NWD1: variants seen among roughly 807,000 people sequenced by gnomAD.
NWD1 encodes NACHT domain- and WD repeat-containing protein 1.
Under a neutral mutation model 135.1 loss-of-function variants are expected in NWD1, and 129 were observed. The ratio of observed to expected loss-of-function variants is 0.96; its 90% CI spans 0.83 to 1.11. The LOEUF (loss-of-function observed/expected upper bound fraction) is 1.11. Ranked by LOEUF, NWD1 falls within the 50% of genes least tolerant of loss-of-function variation. The probability of loss-of-function intolerance (pLI) is 0.00; values close to 1 mark genes in which losing one functional copy is unlikely to be tolerated. For missense variants in NWD1, 1,740 were observed against 1,851.3 expected, an observed-to-expected ratio of 0.94 and a Z score of 1.10; for synonymous variants, 773 against 786.0, an observed-to-expected ratio of 0.98 and a Z score of 0.28.
chr19:16,750,736 A>G lies in NWD1; in HGVS notation c.1769+325A>G, dbSNP rs570037005. Among the ~76,000 whole-genome samples, 19 of 152,204 alleles carry G rather than the reference A, an allele frequency of 1.2e-4. No homozygotes were observed. The South Asian group carries it at 3.1e-3, about 25-fold the overall frequency. On this transcript the variant is annotated intron_variant, in intron 6 of 18. Transcript: ENST00000524140. The stretch of plus-strand genomic sequence containing the variant: ...CTGCAGTCTCCAACTCCCAGGCTCA[A>G]GTGATCCTCCCATCTCAGCCTGCCG...
At chr19:16,805,212 C>T (rs940253066) in intron 17 of NWD1, among the ~76,000 whole-genome samples, 7 of 152,042 alleles carry the variant, frequency 4.6e-5, no homozygotes, top group African/African-American at 1.4e-4. Context: ...GTGTGCAGCA[C>T]AATGCCTGGC....
intron 16 of NWD1, among the ~76,000 whole-genome samples, 186 bp from the exon 17 acceptor site, chr19:16,799,700 G>A (rs1432809040): frequency 6.6e-6 from 1 of 151,780 alleles, no homozygotes; most frequent in Admixed American, 6.6e-5. Context: ...TAGAGATGGG[G>A]TTTCTCCATG....
rs60291508 is a variant in NWD1 at position 16,755,687 on chromosome 19, C to CTTAT, written c.1770-3510_1770-3507dup. 6.4e-3 allele frequency among the ~76,000 whole-genome samples: 949 copies of CTTAT among 148,110 alleles called. 8 individuals carry two copies. Among genetic ancestry groups the CTTAT allele is most frequent in the Middle Eastern group, 0.021 (6 of 290 alleles). The stretch of plus-strand genomic sequence containing the variant: ...ACAGGAATGAGCCACCACATCCAGC[C>CTTAT]TTATTTATTTATTTATTTATTTATT... On this transcript the variant is annotated intron_variant, in intron 6 of 18. Coordinates refer to ENST00000524140, the MANE Select transcript of NWD1 (RefSeq NM_001007525.5).
intron 4 of NWD1, among the ~76,000 whole-genome samples, chr19:16,741,200 C>T (rs765517104): frequency 6.6e-5 from 10 of 152,190 alleles, no homozygotes; most frequent in African/African-American, 9.6e-5. Flanking sequence ...TATCCCCCTT[C>T]GCTGTCCCTC....
chr19:16,809,024 C>G (rs1025188193), intron 18 of NWD1, among the ~76,000 whole-genome samples: 15 of 152,218 alleles, frequency 9.9e-5, no homozygotes, highest in African/African-American at 3.1e-4. Context: ...CCACTGCTCT[C>G]TAGCCTGGGT....
rs184268008 is a variant in NWD1 at position 16,800,178 on chromosome 19, G to A, written c.3736+16G>A. The A allele has an allele frequency of 3.2e-4, 500 of 1,586,280 alleles. 3 individuals carry two copies. In the African/African-American group the frequency reaches 5.9e-3, roughly 19 times the overall value. ...TTGGCAGAAGGTTGGTAAGGTATAA[G>A]TATGGTCATTTTTGTGGGTAAGGCT... On this transcript the variant is annotated intron_variant, in intron 17 of 18. Coordinates refer to ENST00000524140, the MANE Select transcript of NWD1 (RefSeq NM_001007525.5).
At chr19:16,761,746 T>G (rs528985213) in intron 7 of NWD1, among the ~76,000 whole-genome samples, 5 of 152,282 alleles carry the variant, frequency 3.3e-5, no homozygotes, top group African/African-American at 1.2e-4. Context: ...GTGTAAATTT[T>G]GGAGGAGCTC....
At chr19:16,759,175 A>G (rs2122868994) in intron 6 of NWD1, 50 bp from the exon 7 acceptor site, 5 of 1,488,506 alleles carry the variant, frequency 3.4e-6, no homozygotes, top group Non-Finnish European at 4.7e-6. Context: ...CATCCTCCAA[A>G]TGCAGAAGAC....
intron 14 of NWD1, among the ~76,000 whole-genome samples, chr19:16,793,847 G>A (rs548749046): frequency 3.2e-4 from 49 of 152,030 alleles, no homozygotes; most frequent in African/African-American, 1.1e-3. Flanking sequence ...AAAGTGCTGG[G>A]ATTACAAGCA....
At chr19:16,746,700 A>AAAC (rs1437019314) in intron 5 of NWD1, among the ~76,000 whole-genome samples, 1 of 152,088 alleles carries the variant, frequency 6.6e-6, no homozygotes. Context: ...CAACAAAAAA[A>AAAC]AACAGTCGAT....
At chr19:16,735,864 A>G (rs147119646) in intron 3 of NWD1, among the ~76,000 whole-genome samples, 76 of 25,280 alleles carry the variant, frequency 3.0e-3, no homozygotes, top group Middle Eastern at 0.038. Context: ...GAAGGAAGGA[A>G]GGAGGAAGGA....
chr19:16,807,123 G>T (rs1970768723), intron 17 of NWD1, among the ~76,000 whole-genome samples: 2 of 151,468 alleles, frequency 1.3e-5, no homozygotes, highest in South Asian at 4.2e-4. Context: ...AAAAGTTGGA[G>T]GCTGCAGTGA....
chr19:16,798,777 C>T (rs908487223), intron 16 of NWD1, among the ~76,000 whole-genome samples: 1 of 152,028 alleles, frequency 6.6e-6, no homozygotes, highest in Non-Finnish European at 1.5e-5. Flanking sequence ...CAGGCACCCA[C>T]CACCATGCCT....
At chr19:16,787,720 CGCGGT>C (rs998719437) in intron 12 of NWD1, among the ~76,000 whole-genome samples, 2 of 150,718 alleles carry the variant, frequency 1.3e-5, no homozygotes, top group African/African-American at 4.9e-5. Flanking sequence ...ATTAGCCAGG[CGCGGT>C]GGCACATGCC....
chr19:16,753,193 C>A (rs1162864952), intron 6 of NWD1, among the ~76,000 whole-genome samples: 1 of 152,196 alleles, frequency 6.6e-6, no homozygotes, highest in African/African-American at 2.4e-5. Context: ...CCTTCGGCCC[C>A]TCTGGAACTT....
chr19:16,785,984 C>A (rs758178850), intron 12 of NWD1, among the ~76,000 whole-genome samples: 4 of 151,906 alleles, frequency 2.6e-5, no homozygotes, highest in Non-Finnish European at 4.4e-5. Flanking sequence ...CCTGCCTCAG[C>A]CTCCCAAGTA....
chr19:16,728,740 T>A (rs552396258), intron 2 of NWD1, among the ~76,000 whole-genome samples: 1 of 150,002 alleles, frequency 6.7e-6, no homozygotes, highest in Non-Finnish European at 1.5e-5. Flanking sequence ...GTCAGGAGAT[T>A]GAGACCATCC....
intron 10 of NWD1, among the ~76,000 whole-genome samples, chr19:16,769,711 G>C (rs1394919337): frequency 6.6e-6 from 1 of 152,220 alleles, no homozygotes; most frequent in Non-Finnish European, 1.5e-5. Flanking sequence ...TTGGAGCTCA[G>C]CTAAATGCGA....
intron 17 of NWD1, among the ~76,000 whole-genome samples, chr19:16,804,223 A>C (rs1970686150): frequency 1.3e-5 from 2 of 152,132 alleles, no homozygotes; most frequent in African/African-American, 4.8e-5. Context: ...GAAGAGGTAG[A>C]GCACCAGTCT....
Sources: gnomAD v4.1 joint callset for allele counts (sites outside exome capture counted in the v4.1 genomes callset) on GRCh38, gnomAD v4.1.1 for gene constraint, MANE v1.5 for transcripts, NCBI Gene and HGNC (gene_info 2026-07-23, HGNC 2026-07-21) for gene names.